COX5A: variants seen among roughly 807,000 people sequenced by gnomAD.
COX5A encodes the protein cytochrome c oxidase subunit 5A, mitochondrial.
Under a neutral mutation model 16.1 loss-of-function variants are expected in COX5A, and 6 were observed. That is an observed-to-expected ratio of 0.37 (90% CI 0.20 to 0.73). COX5A has a LOEUF of 0.73. COX5A is among the 30% of genes least tolerant of loss of function. COX5A has a pLI of 0.50. For synonymous variants in COX5A, 73 were observed against 73.8 expected (o/e 0.99, Z 0.06); for missense variants, 159 against 194.9 (o/e 0.82, Z 1.10).
intron 3 of COX5A, among the ~76,000 whole-genome samples, chr15:74,925,117 G>A (rs565195262): frequency 2.0e-4 from 30 of 152,262 alleles, no homozygotes; most frequent in Admixed American, 1.0e-3. Flanking sequence ...GAGGTCAGGA[G>A]TTTGAGATCA....
chr15:74,924,564 T>TA (rs1169515959), intron 3 of COX5A, among the ~76,000 whole-genome samples: 1 of 152,158 alleles, frequency 6.6e-6, no homozygotes, highest in Non-Finnish European at 1.5e-5. Flanking sequence ...GGGCAACTTA[T>TA]ATATGTACTG....
At chr15:74,923,590 C>T (rs2065331072) in intron 4 of COX5A, 58 bp downstream of exon 4, 1 of 980,862 alleles carries the variant, frequency 1.0e-6, no homozygotes, top group Non-Finnish European at 1.6e-6. Context: ...ACTGAAATGT[C>T]ATCCACCCAC....
In COX5A at chr15:74,935,612, T is replaced by TA. The variant is rs947062850; in HGVS notation, c.100+2302dup. Among the ~76,000 whole-genome samples, 173 of 146,700 alleles carry TA rather than the reference T, an allele frequency of 1.2e-3. 1 individual carries two copies. The highest frequency in any genetic ancestry group is 3.9e-3 in the African/African-American group (156 of 40,012). On this transcript the variant is annotated intron_variant, in intron 1 of 4. Transcript: ENST00000322347. ...TGAGACTATCACCAAAAAAAAAAAATAAATAAATAAATAAATAAAAAATTT... is the reference window on the plus strand; with the variant it reads ...TGAGACTATCACCAAAAAAAAAAAATAAAATAAATAAATAAATAAAAAATTT...
At chr15:74,922,712 C>T (rs1390304933) in intron 4 of COX5A, among the ~76,000 whole-genome samples, 2 of 146,850 alleles carry the variant, frequency 1.4e-5, no homozygotes, top group Non-Finnish European at 3.0e-5. Flanking sequence ...GTCACCCAGG[C>T]TGGAGTACAG....
chr15:74,926,735 A>C, intron 3 of COX5A, 31 bp downstream of exon 3: 1 of 1,592,954 alleles, frequency 6.3e-7, no homozygotes, highest in South Asian at 1.1e-5. Context: ...ACTCATTTAC[A>C]GAACAATTTT....
intron 1 of COX5A, among the ~76,000 whole-genome samples, chr15:74,930,011 G>A (rs549269563): frequency 1.4e-4 from 22 of 151,914 alleles, no homozygotes; most frequent in African/African-American, 4.3e-4. Context: ...CCTGGACGGC[G>A]GAGGTTGCAG....
At chr15:74,934,707 CAT>C (rs2141274834) in intron 1 of COX5A, among the ~76,000 whole-genome samples, 2 of 152,276 alleles carry the variant, frequency 1.3e-5, no homozygotes, top group African/African-American at 4.8e-5. Context: ...ACATCCCCCA[CAT>C]GCTTAACTTT....
chr15:74,929,773 A>C (rs1436965301), intron 1 of COX5A, among the ~76,000 whole-genome samples: 2 of 152,020 alleles, frequency 1.3e-5, no homozygotes, highest in Non-Finnish European at 2.9e-5. Context: ...ACACAGCGAC[A>C]CCCCACTTCT....
rs776931403 is a variant in COX5A, at chr15:74,938,042, G to A, written c.-28C>T. On this transcript the variant is annotated 5_prime_UTR_variant, in exon 1 of 5. Coordinates refer to ENST00000322347, the MANE Select transcript of COX5A (RefSeq NM_004255.4). ...CGGCGATGGCGGCGCGCGGGCTGAGGACAGAGAGAAGCCGGTGTAAGCTCG... is the reference window on the plus strand; with the variant it reads ...CGGCGATGGCGGCGCGCGGGCTGAGAACAGAGAGAAGCCGGTGTAAGCTCG... 12 of 1,218,292 alleles carry A rather than the reference G, an allele frequency of 9.8e-6. No homozygotes were observed. Among genetic ancestry groups the A allele is most frequent in the South Asian group, 8.3e-5 (2 of 24,108 alleles). The allele number at this position is 1,218,292 out of a possible 1,614,324, so 75.5% of individuals were successfully genotyped here. A position where few individuals can be genotyped will look rare whatever the true frequency, so the allele number is the denominator to read the frequency against.
In COX5A at chr15:74,926,835, A is replaced by T. The variant is rs773949037; in HGVS notation, c.270T>A (p.Asp90Glu). ...ACCGTCTGCATGCCCGCAAAGCAGCATCAATGATTTTGGGCTCTGGAACCA... is the reference window on the plus strand; with the variant it reads ...ACCGTCTGCATGCCCGCAAAGCAGCTTCAATGATTTTGGGCTCTGGAACCA... ...YDMVPEPKII[D>E]AALRACRRLN... The change falls in exon 3 of 5, where the codon GAT becomes GAA. Residue 90 changes from aspartate (D) to glutamate (E), a missense_variant. Physicochemically the swap from Asp to Glu is conservative, Grantham distance 45. Coordinates refer to ENST00000322347, the MANE Select transcript of COX5A (RefSeq NM_004255.4). 9 of 1,613,932 alleles carry T rather than the reference A, an allele frequency of 5.6e-6. No homozygotes were observed. Among genetic ancestry groups the T allele is most frequent in the African/African-American group, 2.7e-5 (2 of 74,944 alleles).
At chr15:74,937,763 G>A in intron 1 of COX5A, 152 bp downstream of exon 1, 1 of 439,936 alleles carries the variant, frequency 2.3e-6, no homozygotes, top group Non-Finnish European at 3.7e-6. Flanking sequence ...TCCACTACTC[G>A]AGGCGGCGGG....
At chr15:74,925,285 G>A (rs897920322) in intron 3 of COX5A, among the ~76,000 whole-genome samples, 2 of 152,068 alleles carry the variant, frequency 1.3e-5, no homozygotes, top group African/African-American at 4.8e-5. Context: ...CAGCTTGGGC[G>A]ACAGAGTGAG....
chr15:74,934,299 A>G (rs1165378417), intron 1 of COX5A, among the ~76,000 whole-genome samples: 1 of 152,090 alleles, frequency 6.6e-6, no homozygotes, highest in Non-Finnish European at 1.5e-5. Context: ...CCCTTTCTGA[A>G]GGGCTAAAAC....
chr15:74,927,617 A>G (rs1274909305), intron 2 of COX5A, among the ~76,000 whole-genome samples: 1 of 152,074 alleles, frequency 6.6e-6, no homozygotes, highest in African/African-American at 2.4e-5. Context: ...TATTAAAGAT[A>G]CAAAATTGGC....
chr15:74,927,199 T>C (rs2141271807), intron 2 of COX5A, among the ~76,000 whole-genome samples: 1 of 152,118 alleles, frequency 6.6e-6, no homozygotes, highest in Non-Finnish European at 1.5e-5. Flanking sequence ...TTTTTGGAGA[T>C]GGAGTCTTGC....
chr15:74,933,419 A>ATATCTATCTATCTATC (rs56686416), intron 1 of COX5A, among the ~76,000 whole-genome samples: 11 of 143,502 alleles, frequency 7.7e-5, no homozygotes, highest in Admixed American at 7.2e-5. Flanking sequence ...AAAAAAAAAA[A>ATATCTATCTATCTATC]TATCTATCTA....
Position 74,929,205 on chromosome 15 carries a change from T to G in COX5A, c.128A>C (p.His43Pro), listed in dbSNP as rs372249618. Residue 43 changes from histidine (H) to proline (P), a missense_variant, in exon 2 of 5, where the codon CAT (histidine) becomes CCT (proline). Transcript: ENST00000322347. ...VAIQSVRCYS[H>P]GSQETDEEFD... ...CTCCTCATCTGTCTCCTGTGACCCATGGGAATAGCAGCGAACTGACTGGAT... is the reference window on the plus strand; with the variant it reads ...CTCCTCATCTGTCTCCTGTGACCCAGGGGAATAGCAGCGAACTGACTGGAT... The G allele has an allele frequency of 1.2e-6, 2 of 1,613,826 alleles. No individual in the cohort carries two copies. Among genetic ancestry groups the G allele is most frequent in the Admixed American group, 3.3e-5 (2 of 60,012 alleles).
chr15:74,934,332 ATT>A (rs764981754), intron 1 of COX5A, among the ~76,000 whole-genome samples: 2 of 144,960 alleles, frequency 1.4e-5, no homozygotes, highest in Non-Finnish European at 1.5e-5. Context: ...CGTGATTTAA[ATT>A]TTTTTTTTTT....
At chr15:74,921,928 C>T (rs1246192787) in intron 4 of COX5A, among the ~76,000 whole-genome samples, 1 of 152,008 alleles carries the variant, frequency 6.6e-6, no homozygotes, top group African/African-American at 2.4e-5. Flanking sequence ...TGGCTCACAC[C>T]TGAAACCCAA....
Sources: allele counts gnomAD v4.1 joint callset (sites outside exome capture counted in the v4.1 genomes callset), GRCh38; gene constraint gnomAD v4.1.1; transcripts MANE v1.5; gene names NCBI Gene and HGNC (gene_info 2026-07-23, HGNC 2026-07-21).